CCDC171: variants seen among roughly 807,000 people sequenced by gnomAD.
The protein encoded by CCDC171 is coiled-coil domain containing 171, also known as coiled-coil domain-containing protein 171.
A neutral mutation model predicts 168.2 loss-of-function variants in CCDC171; 177 were observed. The observed-to-expected ratio is 1.05, with a 90% CI of 0.93 to 1.19. The LOEUF (loss-of-function observed/expected upper bound fraction) is 1.19. Ranked by LOEUF, CCDC171 falls within the 50% of genes most tolerant of loss-of-function variation. The pLI is 0.00. For synonymous variants in CCDC171, 687 were observed against 540.8 expected, an observed-to-expected ratio of 1.27 and a Z score of -3.75; for missense variants, 1,991 against 1,539.0, an observed-to-expected ratio of 1.29 and a Z score of -4.91.
chr9:15,836,408 C>A (rs2060452874), intron 21 of CCDC171, among the ~76,000 whole-genome samples: 1 of 152,118 alleles, frequency 6.6e-6, no homozygotes, highest in African/African-American at 2.4e-5. Context: ...CTCTGTCGCC[C>A]AGGCTGGAGT....
intron 1 of CCDC171, among the ~76,000 whole-genome samples, chr9:16,059,514 T>C (rs951579023): frequency 2.9e-5 from 4 of 139,722 alleles, no homozygotes; most frequent in South Asian, 2.5e-4. Flanking sequence ...TCTTTTTTTT[T>C]TTTTTTTTTT....
rs1339571548 is a variant in CCDC171, at chr9:15,972,462, CAAGTT to C, written c.*634_*638del. The C allele has an allele frequency of 7.9e-5, 12 of 152,400 alleles. No individual in the cohort carries two copies. In the East Asian group the frequency reaches 1.7e-3, roughly 22 times the overall value. The allele number at this position is 152,400 out of a possible 1,614,324, so 9.4% of individuals were successfully genotyped here. The stretch of plus-strand genomic sequence containing the variant: ...ACATGATACCACTTGCCCATTTGAA[CAAGTT>C]AAGTTAACTGCTGAATCTGGTCCCT... On this transcript the variant is annotated 3_prime_UTR_variant, in exon 26 of 26. Transcript: ENST00000380701.
intron 25 of CCDC171, among the ~76,000 whole-genome samples, chr9:15,941,861 A>T (rs1827775968): frequency 6.6e-6 from 1 of 151,926 alleles, no homozygotes; most frequent in Admixed American, 6.6e-5. Flanking sequence ...TTGTTTTTTT[A>T]AATTGGTTTG....
At chr9:15,623,570 T>A (rs2044754953) in intron 7 of CCDC171, among the ~76,000 whole-genome samples, 157 bp downstream of exon 7, 1 of 151,758 alleles carries the variant, frequency 6.6e-6, no homozygotes, top group South Asian at 2.1e-4. Flanking sequence ...TAAAACTAAT[T>A]TTAGGGGCAC....
Position 15,910,072 on chromosome 9 carries a change from A to C in CCDC171, c.3601-10198A>C, listed in dbSNP as rs72708872. On this transcript the variant is annotated intron_variant, in intron 24 of 25. Transcript: ENST00000380701. The stretch of plus-strand genomic sequence containing the variant: ...TGCAGTATTTGACTTTCTGTCTCTG[A>C]GTTATTTCACTTATAATGGCCTTAA... Among the ~76,000 whole-genome samples the C allele has an allele frequency of 3.4e-3, 519 of 151,936 alleles. 13 individuals carry two copies. Among genetic ancestry groups the C allele is most frequent in the East Asian group, 5.8e-4 (3 of 5,158 alleles).
chr9:16,085,715 C>T, the CCDC171 span, among the ~76,000 whole-genome samples: 3 of 152,216 alleles, frequency 2.0e-5, no homozygotes, highest in Non-Finnish European at 2.9e-5. Context: ...CACAAACAAA[C>T]ATGAACATTA....
chr9:15,678,078 A>T (rs2049766392), intron 9 of CCDC171, among the ~76,000 whole-genome samples: 1 of 149,800 alleles, frequency 6.7e-6, no homozygotes, highest in Non-Finnish European at 1.5e-5. Flanking sequence ...CTCGGCTGAT[A>T]TTTAAATTGT....
At chr9:15,928,096 C>A (rs1826087323) in intron 25 of CCDC171, among the ~76,000 whole-genome samples, 1 of 151,638 alleles carries the variant, frequency 6.6e-6, no homozygotes, top group South Asian at 2.1e-4. Flanking sequence ...CAAGCCAAGA[C>A]CTCTGATTCC....
At chr9:15,944,883 T>TCTTTCTTTCTTA (rs1554691548) in intron 25 of CCDC171, among the ~76,000 whole-genome samples, 135 of 151,556 alleles carry the variant, frequency 8.9e-4, no homozygotes, top group Non-Finnish European at 1.5e-3. Context: ...TTTCTTTCTT[T>TCTTTCTTTCTTA]CTTTTTTATC....
chr9:16,029,507 T>G (rs953351964), intron 6 of CCDC171, among the ~76,000 whole-genome samples: 4 of 152,196 alleles, frequency 2.6e-5, no homozygotes, highest in African/African-American at 9.7e-5. Flanking sequence ...TGGGATTGAT[T>G]AGGATGGTCT....
intron 24 of CCDC171, chr9:15,875,169 G>A (rs1461952660): frequency 6.6e-6 from 1 of 151,886 alleles, no homozygotes; most frequent in Non-Finnish European, 1.5e-5. Context: ...ACTTATCTGT[G>A]TTTTCTATTG....
At chr9:15,634,875 C>T (rs562308924) in intron 7 of CCDC171, among the ~76,000 whole-genome samples, 1 of 152,278 alleles carries the variant, frequency 6.6e-6, no homozygotes, top group East Asian at 1.9e-4. Flanking sequence ...CTAGACATTC[C>T]TTACAAGTGG....
chr9:15,678,648 T>C (rs141427267), intron 9 of CCDC171, 110 bp from the exon 10 acceptor site: 2 of 832,128 alleles, frequency 2.4e-6, no homozygotes, highest in African/African-American at 3.6e-5. Flanking sequence ...AAAAAGTCTT[T>C]TAGCATGAAC....
chr9:15,947,823 AT>A (rs201774004), intron 25 of CCDC171, among the ~76,000 whole-genome samples: 25 of 149,416 alleles, frequency 1.7e-4, no homozygotes, highest in Middle Eastern at 3.5e-3. Flanking sequence ...TAATTTTTTT[AT>A]TTTTTTTTAA....
chr9:15,944,836 T>TTTCTTTC (rs1828134489), intron 25 of CCDC171, among the ~76,000 whole-genome samples: 3 of 129,852 alleles, frequency 2.3e-5, no homozygotes, highest in South Asian at 2.6e-4. Flanking sequence ...TTTCTTTCTT[T>TTTCTTTC]TTTCTTTCTT....
Position 15,571,876 on chromosome 9 carries a change from A to G in CCDC171, c.177+117A>G. The stretch of plus-strand genomic sequence containing the variant: ...AACTATACCATTCTTGGGCTTAAAA[A>G]GGAAATTGTAATAAAGGAAACATAA... On this transcript the variant is annotated intron_variant, in intron 3 of 25. Transcript: ENST00000380701. 3.5e-6 allele frequency: 3 copies of G among 852,724 alleles called. No homozygotes were observed. The South Asian group carries it at 5.7e-5, about 16-fold the overall frequency. 52.8% of individuals were successfully genotyped at this position (852,724 alleles called of 1,614,324 possible).
intron 6 of CCDC171, among the ~76,000 whole-genome samples, chr9:15,600,731 G>T (rs562437202): frequency 4.6e-5 from 7 of 152,348 alleles, no homozygotes; most frequent in African/African-American, 1.7e-4. Flanking sequence ...CCTGCCCCCA[G>T]AGGTGGAGTC....
chr9:15,606,255 T>C (rs2043219641), intron 6 of CCDC171, among the ~76,000 whole-genome samples: 1 of 152,226 alleles, frequency 6.6e-6, no homozygotes, highest in African/African-American at 2.4e-5. Context: ...TAATCTCTTA[T>C]TGATGCACAT....
intron 25 of CCDC171, among the ~76,000 whole-genome samples, chr9:15,952,501 G>A (rs1214314264): frequency 6.6e-6 from 1 of 152,082 alleles, no homozygotes; most frequent in Non-Finnish European, 1.5e-5. Context: ...GGGTTCAAGT[G>A]ATTCTCCTGC....
Sources: allele counts gnomAD v4.1 joint callset (sites outside exome capture counted in the v4.1 genomes callset), GRCh38; gene constraint gnomAD v4.1.1; transcripts MANE v1.5; gene names NCBI Gene and HGNC (gene_info 2026-07-23, HGNC 2026-07-21).